Variants in STKLD1 observed in about 807,000 individuals in gnomAD.
The protein encoded by STKLD1 is serine/threonine kinase like domain containing 1.
Under a neutral mutation model 80.4 loss-of-function variants are expected in STKLD1, and 79 were observed. The ratio of observed to expected loss-of-function variants is 0.98; its 90% confidence interval spans 0.82 to 1.19. The LOEUF (loss-of-function observed/expected upper bound fraction) is 1.19. STKLD1 is among the 50% of genes most tolerant of loss of function. STKLD1 has a pLI of 0.00. For missense variants in STKLD1, 841 were observed against 856.0 expected, an observed-to-expected ratio of 0.98 and a Z score of 0.22; for synonymous variants, 393 against 357.6, an observed-to-expected ratio of 1.10 and a Z score of -1.12.
At chr9:133,379,423 A>G (rs1339109585) in intron 2 of STKLD1, among the ~76,000 whole-genome samples, 2 of 152,234 alleles carry the variant, frequency 1.3e-5, no homozygotes, top group Non-Finnish European at 2.9e-5. Context: ...AAGCAGAAAC[A>G]ATGACCCTGT....
chr9:133,381,007 A>G (rs1838116147), intron 2 of STKLD1, among the ~76,000 whole-genome samples: 1 of 152,094 alleles, frequency 6.6e-6, no homozygotes, highest in African/African-American at 2.4e-5. Context: ...CAGCTCTGAT[A>G]AAGATGCTTA....
chr9:133,405,479 T>C lies in STKLD1; in HGVS notation c.*58T>C. 2 of 1,504,292 alleles carry C rather than the reference T, an allele frequency of 1.3e-6. No homozygotes were observed. Among genetic ancestry groups the C allele is most frequent in the Non-Finnish European group, 1.8e-6 (2 of 1,123,864 alleles). 93.2% of individuals were successfully genotyped at this position (1,504,292 alleles called of 1,614,324 possible). ...TGTATAGTTTTCAAGACTGCTCTCC[T>C]GCCTGCCTATTATCCCATCTCTATG... On this transcript the variant is annotated 3_prime_UTR_variant, in exon 18 of 18. Coordinates refer to ENST00000371957, the MANE Select transcript of STKLD1 (RefSeq NM_153710.5).
Position 133,389,576 on chromosome 9 carries a change from C to T in STKLD1, c.447C>T (p.His149=), listed in dbSNP as rs2130284522. 4 of 1,613,542 alleles carry T rather than the reference C, an allele frequency of 2.5e-6. No homozygotes were observed. The highest frequency in any genetic ancestry group is 3.4e-6 in the Non-Finnish European group (4 of 1,179,932). ...TGCTGGACGCGCTGGAATACCTGCA[C>T]CATTTGGACATCATCCACAGGTAAG... The part of the protein sequence containing the change: ...GQVLDALEYL[H]HLDIIHRNLK... Residue 149 remains histidine, a synonymous_variant, in exon 6 of 18, where the codon CAC becomes CAT. Coordinates refer to ENST00000371957, the MANE Select transcript of STKLD1 (RefSeq NM_153710.5). This position sits in a 1 kb window ranked among gnomAD's most constrained non-coding sequence, Gnocchi z 6.4.
intron 9 of STKLD1, 185 bp downstream of exon 9, chr9:133,395,948 A>G (rs77534201): frequency 2.6e-5 from 16 of 610,798 alleles, no homozygotes; most frequent in African/African-American, 2.4e-4. Flanking sequence ...TGCGGCGAGT[A>G]ATCCCGAATG....
At chr9:133,379,149 T>G (rs2130259795) in intron 2 of STKLD1, 27 bp downstream of exon 2, 1 of 1,597,870 alleles carries the variant, frequency 6.3e-7, no homozygotes, top group South Asian at 1.1e-5. Flanking sequence ...GTGCATCCCA[T>G]GCCGGGTGGT....
chr9:133,397,742 C>T (rs1020079385), intron 10 of STKLD1, among the ~76,000 whole-genome samples: 4 of 152,184 alleles, frequency 2.6e-5, no homozygotes, highest in Admixed American at 1.3e-4. Context: ...TGCGCTCCAT[C>T]ATCTGTGTGC....
At position 133,376,502 on chromosome 9, in the gene STKLD1, G is replaced by C. The variant is rs1588729866; in HGVS notation, c.29G>C (p.Arg10Pro). 2 of 1,597,590 alleles carry C rather than the reference G, an allele frequency of 1.3e-6. No homozygotes were observed. Among genetic ancestry groups the C allele is most frequent in the African/African-American group, 2.7e-5 (2 of 74,318 alleles). ...CTTGGGCCAGGGTCCAATCGCAGGC[G>C]CCCCACGCAGGGGGAGCGAGGCCCA... MLGPGSNRR[R>P]PTQGERGPGS... Residue 10 changes from arginine (R) to proline (P), a missense_variant, in exon 1 of 18, where the codon CGC becomes CCC. Coordinates refer to ENST00000371957, the MANE Select transcript of STKLD1 (RefSeq NM_153710.5).
At position 133,385,052 on chromosome 9, in the gene STKLD1, C is replaced by T. The variant is rs2130273606; in HGVS notation, c.220-565C>T. On this transcript the variant is annotated intron_variant, in intron 3 of 17. Transcript: ENST00000371957. The surrounding 1 kb of genome is among the most constrained non-coding windows in gnomAD (Gnocchi z 4.9). Reference sequence around the variant, plus strand: ...AGCATGGGGCCTGCCCAGAGCCGCACGCCGCCGTGGCTTTTCACGTTGCCG... The same window carrying T: ...AGCATGGGGCCTGCCCAGAGCCGCATGCCGCCGTGGCTTTTCACGTTGCCG... Among the ~76,000 whole-genome samples the T allele has an allele frequency of 1.8e-4, 27 of 152,222 alleles. No individual in the cohort carries two copies. The highest frequency in any genetic ancestry group is 1.6e-3 in the Admixed American group (24 of 15,306).
rs2130250004 is a variant in STKLD1 at position 133,376,610 on chromosome 9, G to T, written c.87+50G>T. 5 of 1,491,418 alleles carry T rather than the reference G, an allele frequency of 3.4e-6. No individual in the cohort carries two copies. The South Asian group carries it at 6.2e-5, about 19-fold the overall frequency. The allele number at this position is 1,491,418 out of a possible 1,614,324, so 92.4% of individuals were successfully genotyped here. On this transcript the variant is annotated intron_variant, in intron 1 of 17. Coordinates refer to ENST00000371957, the MANE Select transcript of STKLD1 (RefSeq NM_153710.5). ...GCGGGAGCTCCGTGGGGTAACGGTC[G>T]CAACCCTGGAGCTACGGCCGGCGGT...
chr9:133,396,863 C>T (rs1554776793), intron 9 of STKLD1, among the ~76,000 whole-genome samples: 2 of 152,162 alleles, frequency 1.3e-5, no homozygotes, highest in Non-Finnish European at 2.9e-5. Context: ...TCTGGGTTTT[C>T]ATGTTTCTAT....
chr9:133,387,089 A>G (rs1838281422), intron 4 of STKLD1, among the ~76,000 whole-genome samples: 1 of 152,122 alleles, frequency 6.6e-6, no homozygotes, highest in Non-Finnish European at 1.5e-5. Context: ...GGGTCCTCAG[A>G]GGAAATGGGT....
At chr9:133,400,015 A>T (rs115783752) in intron 11 of STKLD1, among the ~76,000 whole-genome samples, 1 of 152,190 alleles carries the variant, frequency 6.6e-6, no homozygotes, top group African/African-American at 2.4e-5. Flanking sequence ...TCCCCAGCCC[A>T]CAACAGTTTC....
Position 133,389,269 on chromosome 9 carries a change from C to A in STKLD1, c.397-257C>A. On this transcript the variant is annotated intron_variant, in intron 5 of 17. Transcript: ENST00000371957. This position sits in a 1 kb window ranked among gnomAD's most constrained non-coding sequence, Gnocchi z 6.4. ...GGGTGCAGGGATGGGGCCCCTGCAG[C>A]ACCCAGGGTCTCTGGTATGGAGACA... 4 of 985,226 alleles carry A rather than the reference C, an allele frequency of 4.1e-6. No individual in the cohort carries two copies. Among genetic ancestry groups the A allele is most frequent in the Non-Finnish European group, 4.8e-6 (4 of 829,874 alleles). 61.0% of individuals were successfully genotyped at this position (985,226 alleles called of 1,614,324 possible).
At position 133,400,418 on chromosome 9, in the gene STKLD1, C is replaced by T. The variant is rs782172535; in HGVS notation, c.1087C>T (p.Pro363Ser). The T allele has an allele frequency of 4.3e-6, 7 of 1,611,802 alleles. No individual in the cohort carries two copies. The highest frequency in any genetic ancestry group is 5.9e-6 in the Non-Finnish European group (7 of 1,179,470). The change falls in exon 12 of 18, where the codon CCG becomes TCG. Residue 363 changes from proline (P) to serine (S), a missense_variant. Pro to Ser is a moderately conservative substitution (Grantham distance 74, BLOSUM62 -1). Coordinates refer to ENST00000371957, the MANE Select transcript of STKLD1 (RefSeq NM_153710.5). ...LKMPADQLGLPWPPELVEVVV... is the reference protein window; with the variant it reads ...LKMPADQLGLSWPPELVEVVV... ...TGTGCCGCCCGCCCTGCCAGGTCTG[C>T]CGTGGCCCCCGGAGCTGGTGGAGGT...
rs1263062747 is a variant in STKLD1, at chr9:133,405,553, A to G, written c.*132A>G. ...CGGGAGGGGTAATCAGACCTCTCCA[A>G]AGAGTTTCCTGTCCATGACTGCTGG... On this transcript the variant is annotated 3_prime_UTR_variant, in exon 18 of 18. Transcript: ENST00000371957. The G allele has an allele frequency of 1.8e-5, 16 of 875,884 alleles. No homozygotes were observed. Among genetic ancestry groups the G allele is most frequent in the Non-Finnish European group, 2.5e-5 (15 of 601,872 alleles). The allele number at this position is 875,884 out of a possible 1,614,324, so 54.3% of individuals were successfully genotyped here.
chr9:133,389,626 G>T lies in STKLD1; in HGVS notation c.467+30G>T, dbSNP rs1838338976. The T allele has an allele frequency of 1.2e-6, 2 of 1,612,286 alleles. No homozygotes were observed. ...GTGGGGCCCCTGACCTCTGCGGACT[G>T]GCTGGCTGCTTCGGGAGAAAAGGCA... is the stretch of plus-strand genomic sequence containing the variant. On this transcript the variant is annotated intron_variant, in intron 6 of 17. Coordinates refer to ENST00000371957, the MANE Select transcript of STKLD1 (RefSeq NM_153710.5). This position sits in a 1 kb window ranked among gnomAD's most constrained non-coding sequence, Gnocchi z 6.4.
chr9:133,387,081 G>A (rs1838281276), intron 4 of STKLD1, among the ~76,000 whole-genome samples: 1 of 152,204 alleles, frequency 6.6e-6, no homozygotes, highest in Non-Finnish European at 1.5e-5. Context: ...CCAGGGCAGG[G>A]TCCTCAGAGG....
intron 11 of STKLD1, among the ~76,000 whole-genome samples, chr9:133,400,176 G>A (rs1027572716): frequency 6.6e-6 from 1 of 152,180 alleles, no homozygotes; most frequent in Non-Finnish European, 1.5e-5. Context: ...ATCTGCATAT[G>A]GAGGGCAGCC....
intron 14 of STKLD1, 118 bp from the exon 15 acceptor site, chr9:133,403,582 C>T: frequency 1.5e-6 from 2 of 1,333,308 alleles, no homozygotes; most frequent in South Asian, 2.9e-5. Context: ...GTTGACCTTT[C>T]CCACCCCATT....
Sources: allele counts gnomAD v4.1 joint callset (sites outside exome capture counted in the v4.1 genomes callset), GRCh38; gene constraint gnomAD v4.1.1; non-coding constraint Gnocchi (gnomAD v3.1); transcripts MANE v1.5; gene names NCBI Gene and HGNC (gene_info 2026-07-23, HGNC 2026-07-21).